The following PCDHGA5 variants were observed in gnomAD, a reference collection of about 807,000 sequenced individuals.
The protein encoded by PCDHGA5 is protocadherin gamma-A5.
PCDHGA5 carries 36 observed loss-of-function variants against 56.7 expected under a neutral mutation model. The observed-to-expected ratio is 0.64, with a 90% CI of 0.49 to 0.84. PCDHGA5 has a LOEUF of 0.84. Among genes scored for constraint, PCDHGA5 ranks in the 40% least tolerant of loss-of-function variants. The pLI is 0.00. For synonymous variants in PCDHGA5, 563 were observed against 520.2 expected (o/e 1.08, Z -1.12); for missense variants, 1,305 against 1,201.5 (o/e 1.09, Z -1.27).
At chr5:141,415,540 T>C (rs1202920204) in intron 1 of PCDHGA5, 9 of 1,614,184 alleles carry the variant, frequency 5.6e-6, no homozygotes, top group Non-Finnish European at 7.6e-6. Context: ...CCAGGAGAGC[T>C]GTGAGAAAAA....
intron 1 of PCDHGA5, among the ~76,000 whole-genome samples, chr5:141,471,118 A>G (rs58897068): frequency 0.11 from 15,938 of 141,604 alleles, 871 homozygotes; most frequent in South Asian, 0.16. Flanking sequence ...GTGCGATCTT[A>G]CCTTCACTGC....
intron 1 of PCDHGA5, chr5:141,405,303 G>C: frequency 1.2e-6 from 2 of 1,614,230 alleles, no homozygotes; most frequent in African/African-American, 1.3e-5. Context: ...AGCCAGCAGA[G>C]CTGTGAGAAA....
In PCDHGA5 at chr5:141,505,435, G is replaced by A. The variant is rs1274195652; in HGVS notation, c.2523G>A (p.Gln841=). The change falls in exon 3 of 4, where the codon CAG becomes CAA. Residue 841 remains glutamine, a synonymous_variant. Transcript: ENST00000518069. ...GDDTGTWPNN[Q]FDTEMLQAMI... is the part of the protein sequence containing the mutation. ...ACACCGGCACCTGGCCCAACAACCA[G>A]TTTGACACAGAGATGCTGCAAGCCA... 1 of 1,614,096 alleles carries A rather than the reference G, an allele frequency of 6.2e-7. No homozygotes were observed. Among genetic ancestry groups the A allele is most frequent in the African/African-American group, 1.3e-5 (1 of 74,936 alleles).
intron 1 of PCDHGA5, chr5:141,403,102 G>A (rs765706858): frequency 9.3e-6 from 15 of 1,613,928 alleles, no homozygotes; most frequent in Non-Finnish European, 1.3e-5. Flanking sequence ...ACATCTCCAA[G>A]GACCTGGCTC....
chr5:141,398,938 G>T (rs201463346), intron 1 of PCDHGA5: 467 of 1,613,840 alleles, frequency 2.9e-4, no homozygotes, highest in Non-Finnish European at 3.7e-4. Context: ...TGACCAAGAC[G>T]AGGGCATCAA....
chr5:141,429,760 C>A (rs1036499079), intron 1 of PCDHGA5, among the ~76,000 whole-genome samples: 1 of 152,020 alleles, frequency 6.6e-6, no homozygotes, highest in Non-Finnish European at 1.5e-5. Flanking sequence ...AATTTTTTCC[C>A]TATATTTTGA....
chr5:141,428,043 A>G, intron 1 of PCDHGA5: 1 of 1,608,722 alleles, frequency 6.2e-7, no homozygotes, highest in Non-Finnish European at 8.5e-7. Flanking sequence ...CTACCTGGTG[A>G]CCAAGGTGGT....
chr5:141,476,619 CTT>C lies in PCDHGA5; in HGVS notation c.2422-18186_2422-18185del. Reference sequence around the variant, plus strand: ...CACGATCCCGATGTGGGAAGCAACTCTTTACAAACCTATGAGCTGAGCCGAAA... The same window carrying C: ...CACGATCCCGATGTGGGAAGCAACTCTACAAACCTATGAGCTGAGCCGAAA... On this transcript the variant is annotated intron_variant, in intron 1 of 3. Transcript: ENST00000518069. This position sits in a 1 kb window ranked among gnomAD's most constrained non-coding sequence, Gnocchi z 7.6. The C allele has an allele frequency of 1.2e-6, 2 of 1,614,258 alleles. No homozygotes were observed. The highest frequency in any genetic ancestry group is 1.7e-6 in the Non-Finnish European group (2 of 1,180,052).
At chr5:141,423,669 T>C in intron 1 of PCDHGA5, 1 of 1,554,480 alleles carries the variant, frequency 6.4e-7, no homozygotes, top group Non-Finnish European at 8.7e-7. Flanking sequence ...AGGTGAGATT[T>C]ATTTCTCTGC....
At chr5:141,468,194 G>A (rs959390749) in intron 1 of PCDHGA5, among the ~76,000 whole-genome samples, 21 of 151,716 alleles carry the variant, frequency 1.4e-4, no homozygotes, top group South Asian at 2.1e-4. Flanking sequence ...GCATGGTGGC[G>A]GGTGCCTGTA....
chr5:141,409,734 G>C (rs1278458472), intron 1 of PCDHGA5: 2 of 1,613,144 alleles, frequency 1.2e-6, no homozygotes, highest in Admixed American at 3.3e-5. Flanking sequence ...AGCGCGCAGA[G>C]CGGGGTGGTG....
intron 1 of PCDHGA5, chr5:141,394,701 C>A (rs375281416): frequency 5.0e-6 from 8 of 1,613,162 alleles, no homozygotes; most frequent in Non-Finnish European, 6.8e-6. Flanking sequence ...GCGCACGGCG[C>A]GAGCCCTGCT....
At chr5:141,376,137 A>G (rs1342753731) in intron 1 of PCDHGA5, 6 of 1,613,156 alleles carry the variant, frequency 3.7e-6, no homozygotes, top group South Asian at 1.1e-5. Context: ...GCCAAACCCA[A>G]CGATTCGGAC....
chr5:141,421,784 G>C, intron 1 of PCDHGA5: 1 of 1,613,874 alleles, frequency 6.2e-7, no homozygotes, highest in Non-Finnish European at 8.5e-7. Context: ...CTGCGGGGCA[G>C]AACGGATGGG....
At chr5:141,389,359 G>C (rs768908018) in intron 1 of PCDHGA5, 99 of 1,613,770 alleles carry the variant, frequency 6.1e-5, no homozygotes, top group Non-Finnish European at 8.2e-5. Context: ...ATCATGGCCA[G>C]TGACCTGGAG....
chr5:141,456,824 G>A (rs2098890304), intron 1 of PCDHGA5, among the ~76,000 whole-genome samples: 2 of 152,170 alleles, frequency 1.3e-5, no homozygotes, highest in South Asian at 2.1e-4. Context: ...ATTAGCCATC[G>A]TGGTAGTGGG....
chr5:141,430,804 G>T, intron 1 of PCDHGA5: 2 of 1,525,868 alleles, frequency 1.3e-6, no homozygotes, highest in Non-Finnish European at 1.8e-6. Context: ...GGCTTGTCCT[G>T]CTGGGAATCC....
intron 1 of PCDHGA5, among the ~76,000 whole-genome samples, chr5:141,397,708 T>A (rs1409305799): frequency 6.6e-6 from 1 of 152,250 alleles, no homozygotes; most frequent in East Asian, 1.9e-4. Context: ...ACGTGATATT[T>A]CTAACAATTT....
intron 1 of PCDHGA5, among the ~76,000 whole-genome samples, chr5:141,382,008 T>C (rs2150196645): frequency 6.6e-6 from 1 of 151,992 alleles, no homozygotes; most frequent in Middle Eastern, 3.4e-3. Context: ...TTTGTATTTT[T>C]AGTAGAGACG....
Sources: gnomAD v4.1 joint callset for allele counts (sites outside exome capture counted in the v4.1 genomes callset) on GRCh38, gnomAD v4.1.1 for gene constraint, Gnocchi (gnomAD v3.1) non-coding constraint, MANE v1.5 for transcripts, NCBI Gene and HGNC (gene_info 2026-07-23, HGNC 2026-07-21) for gene names.